NAA60: variants seen among roughly 807,000 people sequenced by gnomAD.
NAA60 encodes N-alpha-acetyltransferase 60, NatF catalytic subunit.
Under a neutral mutation model 26.1 loss-of-function variants are expected in NAA60, and 8 were observed. The observed-to-expected ratio is 0.31, with a 90% CI of 0.18 to 0.55. The LOEUF (loss-of-function observed/expected upper bound fraction) is 0.55, where lower values mean the gene tolerates loss of function less well. NAA60 is among the 20% of genes least tolerant of loss of function. The probability of loss-of-function intolerance (pLI) is 0.93; values close to 1 mark genes in which losing one functional copy is unlikely to be tolerated. For synonymous variants in NAA60, 131 were observed against 122.5 expected (o/e 1.07, Z -0.46); for missense variants, 290 against 311.3 (o/e 0.93, Z 0.51).
At chr16:3,479,344 A>G in intron 3 of NAA60, 127 bp from the exon 4 acceptor site, 1 of 893,980 alleles carries the variant, frequency 1.1e-6, no homozygotes, top group Non-Finnish European at 1.7e-6. Flanking sequence ...TGATGGGCAC[A>G]CTCCTCGGCA....
At chr16:3,475,641 CTT>C (rs1417582643) in intron 2 of NAA60, among the ~76,000 whole-genome samples, 5 of 152,232 alleles carry the variant, frequency 3.3e-5, no homozygotes, top group Non-Finnish European at 7.3e-5. Context: ...CCCAAAGTCT[CTT>C]TCTTTCCGCC....
At chr16:3,483,778 G>C in intron 6 of NAA60, 181 bp downstream of exon 6, 1 of 603,314 alleles carries the variant, frequency 1.7e-6, no homozygotes. Context: ...GGTAAATCGA[G>C]TTGCACATAT....
chr16:3,461,132 C>G (rs188895163), intron 2 of NAA60, among the ~76,000 whole-genome samples: 101 of 150,834 alleles, frequency 6.7e-4, no homozygotes, highest in Non-Finnish European at 5.9e-5. Context: ...TATCAGAAGC[C>G]CAAATATCTT....
At chr16:3,465,501 C>T (rs890297017) in intron 2 of NAA60, among the ~76,000 whole-genome samples, 1 of 152,152 alleles carries the variant, frequency 6.6e-6, no homozygotes, top group African/African-American at 2.4e-5. Flanking sequence ...GCTGCCCCCA[C>T]CACAATCCAG....
At chr16:3,449,257 G>C (rs563409936) in intron 2 of NAA60, among the ~76,000 whole-genome samples, 1 of 151,868 alleles carries the variant, frequency 6.6e-6, no homozygotes, top group Non-Finnish European at 1.5e-5. Context: ...GGTGGCTCAC[G>C]TCTGTAATCC....
chr16:3,480,841 G>A (rs570194132), intron 4 of NAA60, among the ~76,000 whole-genome samples: 91 of 152,154 alleles, frequency 6.0e-4, no homozygotes, highest in African/African-American at 2.2e-3. Flanking sequence ...AGGAGGCAGT[G>A]GAGGTTGCAG....
At chr16:3,458,632 G>A (rs1050466779) in intron 2 of NAA60, among the ~76,000 whole-genome samples, 7 of 152,204 alleles carry the variant, frequency 4.6e-5, no homozygotes, top group African/African-American at 1.7e-4. Flanking sequence ...GCCTGTTTTG[G>A]TACTTGTTGC....
At chr16:3,459,003 G>A (rs959486792) in intron 2 of NAA60, among the ~76,000 whole-genome samples, 4 of 152,196 alleles carry the variant, frequency 2.6e-5, no homozygotes, top group Non-Finnish European at 5.9e-5. Flanking sequence ...TGCAGTAAAC[G>A]TGGACATTGG....
rs1382036678 is a variant in NAA60, at chr16:3,455,395, T to G, written c.-7+6855T>G. ...CAAAAAAGAGTTTTTAGTTTTTTTTTTTTTTTTTTTTTTGAGACGGAGTCT... is the reference window on the plus strand; with the variant it reads ...CAAAAAAGAGTTTTTAGTTTTTTTTGTTTTTTTTTTTTTGAGACGGAGTCT... On this transcript the variant is annotated intron_variant, in intron 2 of 7. Transcript: ENST00000407558. Among the ~76,000 whole-genome samples the G allele has an allele frequency of 1.7e-3, 239 of 144,196 alleles. 5 individuals are homozygous for G. The highest frequency in any genetic ancestry group is 2.7e-4 in the Non-Finnish European group (18 of 66,034). 94.6% of individuals were successfully genotyped at this position (144,196 alleles called of 152,430 possible).
intron 2 of NAA60, chr16:3,472,305 A>G (rs1178597890): frequency 6.6e-6 from 1 of 152,218 alleles, no homozygotes; most frequent in Admixed American, 6.5e-5. Context: ...CTCAGTGCGG[A>G]CAACAGAGGC....
chr16:3,456,492 A>G (rs964482260), intron 2 of NAA60, among the ~76,000 whole-genome samples: 8 of 151,978 alleles, frequency 5.3e-5, no homozygotes, highest in South Asian at 4.2e-4. Context: ...AACCTCCTCA[A>G]TTTTTGAAAG....
intron 1 of NAA60, among the ~76,000 whole-genome samples, chr16:3,447,302 A>G (rs991606587): frequency 6.6e-6 from 1 of 152,202 alleles, no homozygotes; most frequent in Non-Finnish European, 1.5e-5. Flanking sequence ...AGTGGTAGTT[A>G]TATTTTTAAT....
intron 5 of NAA60, 164 bp from the exon 6 acceptor site, chr16:3,483,199 C>A: frequency 3.0e-6 from 2 of 661,504 alleles, no homozygotes; most frequent in South Asian, 1.8e-5. Flanking sequence ...CTCCATCTGG[C>A]CATGAGATTT....
chr16:3,463,320 G>A (rs1375495957), intron 2 of NAA60, among the ~76,000 whole-genome samples: 1 of 151,958 alleles, frequency 6.6e-6, no homozygotes, highest in African/African-American at 2.4e-5. Context: ...GGCCGAGGTA[G>A]GTGGATCACT....
At chr16:3,467,006 C>G (rs2035805607) in intron 2 of NAA60, among the ~76,000 whole-genome samples, 1 of 151,778 alleles carries the variant, frequency 6.6e-6, no homozygotes, top group Non-Finnish European at 1.5e-5. Flanking sequence ...GAGGCCTGCC[C>G]AAGATGGGTG....
At chr16:3,472,050 G>C (rs2036182448) in intron 2 of NAA60, 1 of 152,240 alleles carries the variant, frequency 6.6e-6, no homozygotes, top group Non-Finnish European at 1.5e-5. Context: ...CCCTCAGCTG[G>C]CTTCGTAAAA....
chr16:3,450,359 G>GA (rs1324535104), intron 2 of NAA60, among the ~76,000 whole-genome samples: 3 of 152,154 alleles, frequency 2.0e-5, no homozygotes, highest in African/African-American at 7.2e-5. Flanking sequence ...GTCTGCCTAG[G>GA]AAGGCTGGTT....
intron 2 of NAA60, among the ~76,000 whole-genome samples, chr16:3,458,515 G>A (rs1356521716): frequency 1.3e-5 from 2 of 152,186 alleles, no homozygotes; most frequent in East Asian, 3.9e-4. Context: ...ACTAGAGGGT[G>A]GTCCTCATGG....
chr16:3,485,230 C>G (rs1161432797), intron 7 of NAA60, 169 bp downstream of exon 7: 34 of 674,066 alleles, frequency 5.0e-5, no homozygotes, highest in Non-Finnish European at 8.4e-5. Flanking sequence ...TTGTGCCAAG[C>G]TAACACAGCA....
Sources: gnomAD v4.1 joint callset for allele counts (sites outside exome capture counted in the v4.1 genomes callset) on GRCh38, gnomAD v4.1.1 for gene constraint, MANE v1.5 for transcripts, NCBI Gene and HGNC (gene_info 2026-07-23, HGNC 2026-07-21) for gene names.